The following KRAS variants were observed in gnomAD, a reference collection of about 807,000 sequenced individuals.
KRAS encodes the protein GTPase KRas.
Under a neutral mutation model 21.0 loss-of-function variants are expected in KRAS, and 1 was observed. The ratio of observed to expected loss-of-function variants is 0.05; its 90% CI spans 0.02 to 0.23. KRAS has a LOEUF of 0.23. KRAS is among the 10% of genes least tolerant of loss of function. KRAS has a pLI of 1.00. For synonymous variants in KRAS, 67 were observed against 72.5 expected (o/e 0.92, Z 0.39); for missense variants, 107 against 221.8 (o/e 0.48, Z 3.29).
chr12:25,217,361 G>T (rs1386277374), intron 4 of KRAS, among the ~76,000 whole-genome samples: 1 of 152,090 alleles, frequency 6.6e-6, no homozygotes, highest in Non-Finnish European at 1.5e-5. Context: ...TACCTCTAAA[G>T]TCAAACTTTA....
At chr12:25,247,521 T>C (rs1053138653) in intron 1 of KRAS, among the ~76,000 whole-genome samples, 11 of 152,152 alleles carry the variant, frequency 7.2e-5, no homozygotes, top group African/African-American at 2.4e-4. Flanking sequence ...GCCAAAGCAA[T>C]TAGGAATAGA....
At chr12:25,239,210 A>T (rs1338594755) in intron 2 of KRAS, among the ~76,000 whole-genome samples, 1 of 152,066 alleles carries the variant, frequency 6.6e-6, no homozygotes, top group African/African-American at 2.4e-5. Context: ...AGTACCCCCC[A>T]TCCCTTTTTT....
intron 1 of KRAS, among the ~76,000 whole-genome samples, chr12:25,248,030 A>T (rs180731821): frequency 6.7e-6 from 1 of 149,972 alleles, no homozygotes; most frequent in Admixed American, 6.6e-5. Context: ...TTAATCCTGG[A>T]TTTTTTTTTT....
chr12:25,232,811 G>C (rs1951491489), intron 2 of KRAS, among the ~76,000 whole-genome samples: 1 of 152,140 alleles, frequency 6.6e-6, no homozygotes, highest in Non-Finnish European at 1.5e-5. Context: ...TACTATACTG[G>C]CAAGACTGAA....
chr12:25,248,038 T>C (rs1302716817), intron 1 of KRAS, among the ~76,000 whole-genome samples: 1 of 152,138 alleles, frequency 6.6e-6, no homozygotes, highest in Non-Finnish European at 1.5e-5. Context: ...GGATTTTTTT[T>C]TTCTTTATAA....
chr12:25,235,836 C>T (rs1205966851), intron 2 of KRAS, among the ~76,000 whole-genome samples: 1 of 152,112 alleles, frequency 6.6e-6, no homozygotes, highest in Non-Finnish European at 1.5e-5. Flanking sequence ...TTCCAAGGAC[C>T]GAGTTGGGGG....
rs1951764576 is a variant in KRAS, at chr12:25,250,912, G to A, written c.-173C>T. 2 of 249,412 alleles carry A rather than the reference G, an allele frequency of 8.0e-6. No homozygotes were observed. Among genetic ancestry groups the A allele is most frequent in the Non-Finnish European group, 1.5e-5 (2 of 132,246 alleles). The allele number at this position is 249,412 out of a possible 1,614,324, so 15.4% of individuals were successfully genotyped here. A position where few individuals can be genotyped will look rare whatever the true frequency, so the allele number is the denominator to read the frequency against. On this transcript the variant is annotated 5_prime_UTR_variant, in exon 1 of 5. Transcript: ENST00000311936. ...TGCCGCCGCCGCTGCTGCCTCCGCC[G>A]CCGCGGCCGCCGCCTAGGAAAATCG...
chr12:25,219,577 C>T (rs1951295999), intron 4 of KRAS, among the ~76,000 whole-genome samples: 1 of 152,182 alleles, frequency 6.6e-6, no homozygotes, highest in African/African-American at 2.4e-5. Context: ...ACATCAAATA[C>T]CCTAACTATA....
At chr12:25,228,143 T>A (rs934193161) in intron 2 of KRAS, among the ~76,000 whole-genome samples, 1 of 150,600 alleles carries the variant, frequency 6.6e-6, no homozygotes, top group African/African-American at 2.4e-5. Flanking sequence ...AAATGCTCAC[T>A]GGAGCATTTG....
chr12:25,250,862 C>T lies in KRAS; in HGVS notation c.-123G>A, dbSNP rs894590412. ...GCGGGGGCCGGGAGTACTGGCCGAGCCGCCGCCACCTTCGCCGCCGCCACT... is the reference window on the plus strand; with the variant it reads ...GCGGGGGCCGGGAGTACTGGCCGAGTCGCCGCCACCTTCGCCGCCGCCACT... On this transcript the variant is annotated 5_prime_UTR_variant, in exon 1 of 5. Transcript: ENST00000311936. 2 of 246,518 alleles carry T rather than the reference C, an allele frequency of 8.1e-6. No individual in the cohort carries two copies. The highest frequency in any genetic ancestry group is 5.8e-5 in the Admixed American group (1 of 17,240). The allele number at this position is 246,518 out of a possible 1,614,324, so 15.3% of individuals were successfully genotyped here. A position where few individuals can be genotyped will look rare whatever the true frequency, so the allele number is the denominator to read the frequency against.
intron 2 of KRAS, among the ~76,000 whole-genome samples, chr12:25,241,254 G>A (rs956130401): frequency 1.3e-5 from 2 of 152,020 alleles, no homozygotes. Context: ...AATCATATAA[G>A]ACTTTTAAAT....
At chr12:25,235,839 G>C (rs1303294407) in intron 2 of KRAS, among the ~76,000 whole-genome samples, 1 of 152,196 alleles carries the variant, frequency 6.6e-6, no homozygotes, top group African/African-American at 2.4e-5. Flanking sequence ...CAAGGACCGA[G>C]TTGGGGGTGA....
At chr12:25,248,700 G>T (rs939032947) in intron 1 of KRAS, among the ~76,000 whole-genome samples, 72 of 151,880 alleles carry the variant, frequency 4.7e-4, no homozygotes, top group African/African-American at 1.7e-3. Context: ...CTTACCAAAT[G>T]AAGATCATGG....
chr12:25,248,170 A>AT (rs1951709774), intron 1 of KRAS, among the ~76,000 whole-genome samples: 1 of 152,118 alleles, frequency 6.6e-6, no homozygotes, highest in South Asian at 2.1e-4. Flanking sequence ...CCCTTCGATA[A>AT]TTTTTAAGAG....
At chr12:25,223,017 G>A (rs577510746) in intron 4 of KRAS, among the ~76,000 whole-genome samples, 2 of 152,188 alleles carry the variant, frequency 1.3e-5, no homozygotes, top group South Asian at 2.1e-4. Context: ...ATGCAGACTC[G>A]GTCCCCACCT....
chr12:25,215,350 C>G, intron 4 of KRAS: 2 of 1,557,594 alleles, frequency 1.3e-6, no homozygotes, highest in Non-Finnish European at 1.8e-6. Flanking sequence ...AATACTACAC[C>G]TAAGTAGTTC....
chr12:25,226,856 T>C (rs1951399598), intron 3 of KRAS, among the ~76,000 whole-genome samples: 1 of 152,352 alleles, frequency 6.6e-6, no homozygotes, highest in Non-Finnish European at 1.5e-5. Context: ...ATACACACGA[T>C]TGCTTTTAAG....
At chr12:25,225,569 T>A (rs760028987) in intron 4 of KRAS, 45 bp downstream of exon 4, 1 of 1,571,680 alleles carries the variant, frequency 6.4e-7, no homozygotes, top group East Asian at 2.2e-5. Flanking sequence ...ATAACAGTTA[T>A]GATTTTGCAG....
At chr12:25,237,283 G>A (rs1951555799) in intron 2 of KRAS, among the ~76,000 whole-genome samples, 1 of 152,088 alleles carries the variant, frequency 6.6e-6, no homozygotes, top group Admixed American at 6.6e-5. Context: ...GGACTTTTGG[G>A]GTGATAATAA....
Sources: allele counts gnomAD v4.1 joint callset (sites outside exome capture counted in the v4.1 genomes callset), GRCh38; gene constraint gnomAD v4.1.1; transcripts MANE v1.5; gene names NCBI Gene and HGNC (gene_info 2026-07-23, HGNC 2026-07-21).